The following CALD1 variants were observed in gnomAD, a reference collection of about 807,000 sequenced individuals.
The protein encoded by CALD1 is caldesmon.
Under a neutral mutation model 99.9 loss-of-function variants are expected in CALD1, and 33 were observed. The ratio of observed to expected loss-of-function variants is 0.33; its 90% CI spans 0.25 to 0.44. CALD1 has a LOEUF of 0.44. Among genes scored for constraint, CALD1 ranks in the 20% least tolerant of loss-of-function variants. CALD1 has a pLI of 1.00. For synonymous variants in CALD1, 310 were observed against 325.0 expected (o/e 0.95, Z 0.50); for missense variants, 861 against 962.1 (o/e 0.89, Z 1.39).
chr7:134,893,231 C>T (rs1193829809), intron 3 of CALD1, among the ~76,000 whole-genome samples: 1 of 152,116 alleles, frequency 6.6e-6, no homozygotes, highest in African/African-American at 2.4e-5. Context: ...GTTGTCATTG[C>T]CTGCCATCTG....
chr7:134,839,589 A>C (rs1799572531), intron 1 of CALD1, among the ~76,000 whole-genome samples: 1 of 152,180 alleles, frequency 6.6e-6, no homozygotes, highest in Non-Finnish European at 1.5e-5. Context: ...AATTTTAGCT[A>C]TTCTAGTGGT....
At chr7:134,924,905 C>T (rs1437313046) in intron 3 of CALD1, among the ~76,000 whole-genome samples, 1 of 152,146 alleles carries the variant, frequency 6.6e-6, no homozygotes, top group Non-Finnish European at 1.5e-5. Context: ...GCTCTTCCTC[C>T]TTCACTTGGC....
Position 134,933,578 on chromosome 7 carries a change from CA to C in CALD1, c.811del (p.Arg271GlyfsTer18). On this transcript the variant is annotated frameshift_variant, in exon 5 of 15. Transcript: ENST00000361675. LOFTEE classifies it high-confidence loss of function. ...EDKERAEAER[A>X]RLEAEERERI... is the part of the protein sequence containing the mutation. ...AAGGAAAGAGCTGAGGCAGAGAGGG[CA>C]AGGTTGGAAGCAGAAGAAAGAGAAA... The C allele has an allele frequency of 6.2e-7, 1 of 1,613,122 alleles. No individual in the cohort carries two copies. Among genetic ancestry groups the C allele is most frequent in the Non-Finnish European group, 8.5e-7 (1 of 1,179,662 alleles).
the CALD1 span, among the ~76,000 whole-genome samples, chr7:134,721,643 G>T: frequency 6.6e-6 from 1 of 151,942 alleles, no homozygotes; most frequent in Non-Finnish European, 1.5e-5. Flanking sequence ...AGACCGAGGG[G>T]GTCTACAGCC....
At chr7:134,950,884 A>G (rs758545484) in intron 9 of CALD1, among the ~76,000 whole-genome samples, 3 of 152,170 alleles carry the variant, frequency 2.0e-5, no homozygotes, top group Non-Finnish European at 4.4e-5. Flanking sequence ...ACTTGAACCC[A>G]GGAGGCAGAG....
intron 14 of CALD1, 133 bp from the exon 15 acceptor site, chr7:134,968,207 C>T (rs1419993653): frequency 1.3e-6 from 1 of 755,702 alleles, no homozygotes; most frequent in African/African-American, 1.7e-5. Flanking sequence ...ATAATCCTCC[C>T]TTTCATAAAT....
intron 1 of CALD1, among the ~76,000 whole-genome samples, chr7:134,761,265 C>G (rs951541236): frequency 6.6e-6 from 1 of 152,126 alleles, no homozygotes; most frequent in African/African-American, 2.4e-5. Flanking sequence ...AAATGATATC[C>G]TGTTCTGACA....
chr7:134,831,906 A>G (rs942126396), intron 1 of CALD1, among the ~76,000 whole-genome samples: 3 of 152,332 alleles, frequency 2.0e-5, no homozygotes, highest in East Asian at 3.9e-4. Flanking sequence ...TTATTTTAAA[A>G]GGCTTTAGAA....
chr7:134,932,523 A>G (rs1025116348), intron 4 of CALD1, among the ~76,000 whole-genome samples: 19 of 152,342 alleles, frequency 1.2e-4, no homozygotes, highest in Middle Eastern at 6.8e-3. Flanking sequence ...GCTAGGAAAC[A>G]CTGGTGGAGG....
At chr7:134,736,698 G>A in the CALD1 span, among the ~76,000 whole-genome samples, 1 of 152,224 alleles carries the variant, frequency 6.6e-6, no homozygotes, top group Admixed American at 6.5e-5. Flanking sequence ...ACATCACAGA[G>A]AGGATGGGCC....
chr7:134,794,640 C>T (rs1797677386), intron 1 of CALD1, among the ~76,000 whole-genome samples: 1 of 152,130 alleles, frequency 6.6e-6, no homozygotes, highest in Admixed American at 6.5e-5. Flanking sequence ...GTGTGTGCCA[C>T]CACGCCCAGC....
intron 3 of CALD1, among the ~76,000 whole-genome samples, chr7:134,884,679 G>A (rs1368221496): frequency 6.7e-6 from 1 of 148,324 alleles, no homozygotes; most frequent in Non-Finnish European, 1.5e-5. Context: ...GGAAAAACAA[G>A]CCAACTGACC....
At chr7:134,906,933 G>C (rs1803429944) in intron 3 of CALD1, among the ~76,000 whole-genome samples, 2 of 152,154 alleles carry the variant, frequency 1.3e-5, no homozygotes, top group East Asian at 1.9e-4. Context: ...CCACCAGTCA[G>C]AAAAGCCCAC....
the CALD1 span, among the ~76,000 whole-genome samples, chr7:134,738,986 A>C: frequency 0.12 from 17,683 of 152,246 alleles, 1,335 homozygotes; most frequent in Admixed American, 0.18. Context: ...TATTTATTTT[A>C]GGATTCGTTG....
intron 3 of CALD1, among the ~76,000 whole-genome samples, chr7:134,921,121 T>C (rs1406694642): frequency 2.6e-5 from 4 of 152,194 alleles, no homozygotes; most frequent in Non-Finnish European, 5.9e-5. Context: ...TCTCTAGCGG[T>C]GAAGATTTTG....
intron 2 of CALD1, among the ~76,000 whole-genome samples, chr7:134,853,417 A>G (rs528526223): frequency 6.6e-6 from 1 of 152,350 alleles, no homozygotes; most frequent in East Asian, 1.9e-4. Context: ...ATGTCTCTAT[A>G]TATATTAATG....
At chr7:134,839,420 T>C (rs1389819388) in intron 1 of CALD1, among the ~76,000 whole-genome samples, 1 of 152,222 alleles carries the variant, frequency 6.6e-6, no homozygotes, top group Non-Finnish European at 1.5e-5. Flanking sequence ...TTGTTGTATA[T>C]ATGCCTGTAA....
At chr7:134,739,384 C>T (rs1796574948), upstream of CALD1, among the ~76,000 whole-genome samples, 1 of 152,170 alleles carries the variant, frequency 6.6e-6, no homozygotes, top group African/African-American at 2.4e-5. Context: ...TCCATCAACC[C>T]CCTATACTGT....
chr7:134,792,089 C>A (rs913884774), intron 1 of CALD1, among the ~76,000 whole-genome samples: 2 of 152,102 alleles, frequency 1.3e-5, no homozygotes, highest in Non-Finnish European at 2.9e-5. Context: ...ATATCTGATG[C>A]CACAACAAAA....
Sources: gnomAD v4.1 joint callset for allele counts (sites outside exome capture counted in the v4.1 genomes callset) on GRCh38, gnomAD v4.1.1 for gene constraint, MANE v1.5 for transcripts, NCBI Gene and HGNC (gene_info 2026-07-23, HGNC 2026-07-21) for gene names.